Variants in PALM3 observed in about 807,000 individuals in gnomAD.
The protein encoded by PALM3 is paralemmin-3.
A neutral mutation model predicts 27.9 loss-of-function variants in PALM3; 20 were observed. The observed-to-expected ratio is 0.72, with a 90% CI of 0.50 to 1.04. The LOEUF is 1.04. Ranked by LOEUF, PALM3 falls within the 50% of genes least tolerant of loss-of-function variation. PALM3 has a pLI of 0.00. For synonymous variants in PALM3, 328 were observed against 352.7 expected (o/e 0.93, Z 0.79); for missense variants, 814 against 869.4 (o/e 0.94, Z 0.80).
In PALM3 at chr19:14,059,148, G is replaced by A. The variant is rs1053733594; in HGVS notation, c.57C>T (p.Ser19=). The A allele has an allele frequency of 9.0e-6, 13 of 1,437,812 alleles. No individual in the cohort carries two copies. The highest frequency in any genetic ancestry group is 1.2e-5 in the Non-Finnish European group (13 of 1,096,730). The allele number at this position is 1,437,812 out of a possible 1,614,324, so 89.1% of individuals were successfully genotyped here. The change falls in exon 2 of 7, where the codon AGC becomes AGT. Residue 19 remains serine, a synonymous_variant. Coordinates refer to ENST00000669674, the MANE Select transcript of PALM3 (RefSeq NM_001145028.2). ...SLATPMPMAE[S]SLYRQRLEVI... ...CTTCTAGCCGCTGCCGGTAGAGGGA[G>A]CTCTCCGCCATGGGCCTGTTGGGAG...
chr19:14,059,236 A>G, intron 1 of PALM3, 73 bp from the exon 2 acceptor site: 1 of 1,360,944 alleles, frequency 7.3e-7, no homozygotes, highest in Non-Finnish European at 9.7e-7. Context: ...ATCCCTGAGC[A>G]GTATGGAAAT....
At chr19:14,058,240 G>T (rs1255641651) in intron 2 of PALM3, among the ~76,000 whole-genome samples, 9 of 149,680 alleles carry the variant, frequency 6.0e-5, no homozygotes, top group African/African-American at 2.2e-4. Flanking sequence ...GGGGTGCAGA[G>T]AGATGGGGTA....
Position 14,055,435 on chromosome 19 carries a change from T to C in PALM3, c.400-10A>G, listed in dbSNP as rs1038462114. ...AGAGAGGACGGTGACCCTGCAGAGA[T>C]GGCGGAGACAAGGTCAGGCTGGCCC... On this transcript the variant is annotated splice_polypyrimidine_tract_variant and intron_variant, in intron 5 of 6. Coordinates refer to ENST00000669674, the MANE Select transcript of PALM3 (RefSeq NM_001145028.2). 3.2e-6 allele frequency: 5 copies of C among 1,551,318 alleles called. No individual in the cohort carries two copies. The highest frequency in any genetic ancestry group is 1.4e-5 in the African/African-American group (1 of 73,016).
chr19:14,055,012 G>C lies in PALM3; in HGVS notation c.660C>G (p.Ser220=), dbSNP rs911233534. The C allele has an allele frequency of 6.5e-7, 1 of 1,548,940 alleles. No homozygotes were observed. Among genetic ancestry groups the C allele is most frequent in the Non-Finnish European group, 8.7e-7 (1 of 1,145,582 alleles). The change falls in exon 7 of 7, where the codon TCC becomes TCG. Residue 220 remains serine (S), a synonymous_variant. Coordinates refer to ENST00000669674, the MANE Select transcript of PALM3 (RefSeq NM_001145028.2). ...EQGLSQRAVP[S]EGRVGEAKGG... is the part of the protein sequence containing the mutation. ...CTTTGGCCTCACCCACCCGCCCTTC[G>C]GATGGCACTGCCCTCTGACTTAGCC... is the stretch of plus-strand genomic sequence containing the variant.
In PALM3 at chr19:14,054,587, ACT is replaced by A; in HGVS notation, c.1083_1084del (p.Arg361SerfsTer5). Reference sequence around the variant, plus strand: ...CTCCTCCCACTCTTCACTGAGGGTCACTCTCTCCACCCAAATGAAGGATCCCT... The same window carrying A: ...CTCCTCCCACTCTTCACTGAGGGTCACTCTCCACCCAAATGAAGGATCCCT... On this transcript the variant is annotated frameshift_variant, in exon 7 of 7. Coordinates refer to ENST00000669674, the MANE Select transcript of PALM3 (RefSeq NM_001145028.2). LOFTEE classifies it low-confidence loss of function (END_TRUNC). The A allele has an allele frequency of 6.4e-7, 1 of 1,550,740 alleles. No individual in the cohort carries two copies. Among genetic ancestry groups the A allele is most frequent in the Non-Finnish European group, 8.7e-7 (1 of 1,146,776 alleles).
chr19:14,057,516 G>A, intron 2 of PALM3, 85 bp from the exon 3 acceptor site: 1 of 1,180,386 alleles, frequency 8.5e-7, no homozygotes, highest in Non-Finnish European at 1.1e-6. Context: ...TCCCTCCTCC[G>A]CGGGGCTCAC....
At chr19:14,057,202 C>T in intron 3 of PALM3, 149 bp downstream of exon 3, 2 of 622,180 alleles carry the variant, frequency 3.2e-6, no homozygotes, top group Non-Finnish European at 5.5e-6. Context: ...AAGACATACC[C>T]CGCCCCGGCC....
rs1369424156 is a variant in PALM3 at position 14,053,749 on chromosome 19, CT to C, written c.1922del (p.Gln641ArgfsTer96). ...TGGGGTTGGCGCTGGGCCCCTCCCC[CT>C]GAAGCAGTGGCTGGCATTCGGCGGG... ...EQPAECQPLL[Q>X]GEGPSANPSA... On this transcript the variant is annotated frameshift_variant, in exon 7 of 7. Transcript: ENST00000669674. LOFTEE classifies it high-confidence loss of function. 6.5e-7 allele frequency: 1 copy of C among 1,534,792 alleles called. No homozygotes were observed. Among genetic ancestry groups the C allele is most frequent in the Non-Finnish European group, 8.8e-7 (1 of 1,139,394 alleles).
rs1046923072 is a variant in PALM3, at chr19:14,053,495, G to T, written c.*110C>A. Reference sequence around the variant, plus strand: ...GACGTGCAGGCTAGCTGGCTCCCAGGTGCCATGGCCAGTCCTGTGGTCCCT... The same window carrying T: ...GACGTGCAGGCTAGCTGGCTCCCAGTTGCCATGGCCAGTCCTGTGGTCCCT... On this transcript the variant is annotated 3_prime_UTR_variant, in exon 7 of 7. Coordinates refer to ENST00000669674, the MANE Select transcript of PALM3 (RefSeq NM_001145028.2). 2 of 1,284,702 alleles carry T rather than the reference G, an allele frequency of 1.6e-6. No individual in the cohort carries two copies. The highest frequency in any genetic ancestry group is 2.0e-6 in the Non-Finnish European group (2 of 979,928). 79.6% of individuals were successfully genotyped at this position (1,284,702 alleles called of 1,614,324 possible).
intron 5 of PALM3, 102 bp downstream of exon 5, chr19:14,056,327 G>A: frequency 8.5e-7 from 1 of 1,179,014 alleles, no homozygotes; most frequent in Non-Finnish European, 1.2e-6. Context: ...CAGACCTAGT[G>A]GCCAGGCTGC....
rs926678676 is a variant in PALM3 at position 14,056,865 on chromosome 19, C to T, written c.172-61G>A. 27 of 1,460,996 alleles carry T rather than the reference C, an allele frequency of 1.8e-5. No homozygotes were observed. In the African/African-American group the frequency reaches 3.9e-4, roughly 21 times the overall value. 90.5% of individuals were successfully genotyped at this position (1,460,996 alleles called of 1,614,324 possible). ...GACTACCCCGGTCCATGTAAAGTCC[C>T]CTCCCGACCTCTGCAGGCTGGGCAG... On this transcript the variant is annotated intron_variant, in intron 3 of 6. Coordinates refer to ENST00000669674, the MANE Select transcript of PALM3 (RefSeq NM_001145028.2).
At chr19:14,061,845 C>A (rs1409667230) in intron 1 of PALM3, 95 bp downstream of exon 1, 1 of 805,800 alleles carries the variant, frequency 1.2e-6, no homozygotes, top group Non-Finnish European at 1.5e-6. Context: ...TAGGAGAGAC[C>A]ACTGGAGCTC....
chr19:14,058,244 T>G (rs1213351104), intron 2 of PALM3, among the ~76,000 whole-genome samples: 59 of 66,362 alleles, frequency 8.9e-4, no homozygotes, highest in African/African-American at 1.3e-3. Context: ...TGCAGAGAGA[T>G]GGGGTACAGA....
chr19:14,059,660 C>T (rs1976383945), intron 1 of PALM3, among the ~76,000 whole-genome samples: 1 of 152,094 alleles, frequency 6.6e-6, no homozygotes, highest in African/African-American at 2.4e-5. Context: ...GGCTGTGTGC[C>T]TCTTTCTCTT....
intron 1 of PALM3, among the ~76,000 whole-genome samples, chr19:14,060,440 A>G (rs578114669): frequency 2.6e-5 from 4 of 152,134 alleles, no homozygotes; most frequent in African/African-American, 9.6e-5. Flanking sequence ...TTGACATTCC[A>G]GCTAAGAACA....
intron 3 of PALM3, chr19:14,057,048 C>T: frequency 5.1e-6 from 3 of 591,122 alleles, no homozygotes; most frequent in Non-Finnish European, 8.9e-6. Flanking sequence ...TCCCTCCCTA[C>T]TGGCCCCTCC....
At chr19:14,059,725 T>TG (rs564157067) in intron 1 of PALM3, among the ~76,000 whole-genome samples, 37 of 151,760 alleles carry the variant, frequency 2.4e-4, no homozygotes, top group Non-Finnish European at 4.4e-4. Context: ...TCTCAAGCGC[T>TG]GGGGGGGCAA....
Position 14,053,833 on chromosome 19 carries a change from G to A in PALM3, c.1839C>T (p.Gly613=). 1.9e-6 allele frequency: 3 copies of A among 1,550,924 alleles called. No homozygotes were observed. Among genetic ancestry groups the A allele is most frequent in the Non-Finnish European group, 2.6e-6 (3 of 1,146,546 alleles). The change falls in exon 7 of 7, where the codon GGC becomes GGT. Residue 613 remains glycine, a synonymous_variant. Coordinates refer to ENST00000669674, the MANE Select transcript of PALM3 (RefSeq NM_001145028.2). The stretch of plus-strand genomic sequence containing the variant: ...GTGTGGCATCCCCCAAGGGGCCTTG[G>A]CCCTCAGCAGCGGTTTGGGGCTTCA... ...EGVKPQTAAE[G]QGPLGDATPL...
At chr19:14,058,669 G>A (rs149025771) in intron 2 of PALM3, among the ~76,000 whole-genome samples, 7 of 152,044 alleles carry the variant, frequency 4.6e-5, no homozygotes, top group African/African-American at 1.4e-4. Flanking sequence ...GGAGATGGAG[G>A]AGGGAAGGAT....
Sources: allele counts gnomAD v4.1 joint callset (sites outside exome capture counted in the v4.1 genomes callset), GRCh38; gene constraint gnomAD v4.1.1; transcripts MANE v1.5; gene names NCBI Gene and HGNC (gene_info 2026-07-23, HGNC 2026-07-21).